Variants in SLC9A9 observed in about 807,000 individuals in gnomAD.
SLC9A9 encodes solute carrier family 9 member A9.
Under a neutral mutation model 77.8 loss-of-function variants are expected in SLC9A9, and 62 were observed. The observed-to-expected ratio is 0.80, with a 90% CI of 0.65 to 0.98. The LOEUF (loss-of-function observed/expected upper bound fraction) is 0.98. Among genes scored for constraint, SLC9A9 ranks in the 50% least tolerant of loss-of-function variants. The pLI is 0.00. For missense variants in SLC9A9, 775 were observed against 774.9 expected (o/e 1.00, Z 0.00); for synonymous variants, 320 against 283.5 (o/e 1.13, Z -1.29).
At chr3:143,498,003 G>T (rs187591975) in intron 9 of SLC9A9, among the ~76,000 whole-genome samples, 5 of 152,108 alleles carry the variant, frequency 3.3e-5, no homozygotes, top group African/African-American at 9.7e-5. Flanking sequence ...GAATCTTTGC[G>T]CTACATTTTA....
intron 12 of SLC9A9, among the ~76,000 whole-genome samples, chr3:143,446,110 G>A (rs920851620): frequency 6.6e-6 from 1 of 152,004 alleles, no homozygotes; most frequent in Admixed American, 6.6e-5. Context: ...AATTAATCTG[G>A]GTTTTTAAAT....
chr3:143,804,830 G>A (rs1047403803), intron 2 of SLC9A9, among the ~76,000 whole-genome samples: 3 of 152,042 alleles, frequency 2.0e-5, no homozygotes, highest in African/African-American at 4.8e-5. Flanking sequence ...ACGACCTTCC[G>A]TAGCCTGTCT....
At chr3:143,463,651 C>A (rs1348885323) in intron 12 of SLC9A9, among the ~76,000 whole-genome samples, 2 of 152,122 alleles carry the variant, frequency 1.3e-5, no homozygotes, top group African/African-American at 4.8e-5. Flanking sequence ...TACATGAAAA[C>A]CTCCAAAATA....
rs909150454 is a variant in SLC9A9, at chr3:143,773,575, C to A, written c.533+21426G>T. 5.3e-5 allele frequency among the ~76,000 whole-genome samples: 8 copies of A among 151,850 alleles called. No homozygotes were observed. In the East Asian group the frequency reaches 1.5e-3, roughly 29 times the overall value. ...TCTTGGCTCACTGCAACCTCTGCCC[C>A]CTGGGTTCAAGCAATTCTCCTGCCT... On this transcript the variant is annotated intron_variant, in intron 4 of 15. Coordinates refer to ENST00000316549, the MANE Select transcript of SLC9A9 (RefSeq NM_173653.4).
At chr3:143,533,172 A>G (rs1268648956) in intron 9 of SLC9A9, among the ~76,000 whole-genome samples, 1 of 152,236 alleles carries the variant, frequency 6.6e-6, no homozygotes, top group African/African-American at 2.4e-5. Flanking sequence ...AGACACTGCA[A>G]TATAGCTGTG....
At chr3:143,479,398 C>T (rs1327375117) in intron 11 of SLC9A9, among the ~76,000 whole-genome samples, 2 of 151,720 alleles carry the variant, frequency 1.3e-5, no homozygotes, top group African/African-American at 2.4e-5. Context: ...CAGGTGAGCA[C>T]CACCTCCCCT....
intron 4 of SLC9A9, among the ~76,000 whole-genome samples, chr3:143,714,055 T>G (rs1180154859): frequency 6.6e-6 from 1 of 152,230 alleles, no homozygotes; most frequent in African/African-American, 2.4e-5. Context: ...TGACAACAGA[T>G]GAAGTTATTC....
At chr3:143,819,089 A>C (rs1196230130) in intron 2 of SLC9A9, among the ~76,000 whole-genome samples, 1 of 152,190 alleles carries the variant, frequency 6.6e-6, no homozygotes, top group Non-Finnish European at 1.5e-5. Flanking sequence ...TCTCAAAAAA[A>C]AGGAGGATCA....
intron 6 of SLC9A9, among the ~76,000 whole-genome samples, chr3:143,621,661 G>C (rs1487604227): frequency 6.6e-6 from 1 of 152,106 alleles, no homozygotes; most frequent in Non-Finnish European, 1.5e-5. Context: ...CACAAAGATG[G>C]GGAAAAAACA....
intron 9 of SLC9A9, among the ~76,000 whole-genome samples, chr3:143,542,078 T>G (rs2108630685): frequency 6.6e-6 from 1 of 152,354 alleles, no homozygotes; most frequent in South Asian, 2.1e-4. Context: ...GAAATAATTC[T>G]TTCTGGGCAC....
chr3:143,402,286 CTT>C (rs1374460096), intron 12 of SLC9A9, among the ~76,000 whole-genome samples: 1 of 152,098 alleles, frequency 6.6e-6, no homozygotes, highest in Admixed American at 6.5e-5. Flanking sequence ...CATGAATAGA[CTT>C]TTATGAGAAG....
chr3:143,552,261 T>A, intron 9 of SLC9A9, 101 bp downstream of exon 9: 1 of 808,064 alleles, frequency 1.2e-6, no homozygotes, highest in Non-Finnish European at 2.0e-6. Context: ...CTTACATTCT[T>A]CCTTTACTAA....
chr3:143,301,066 C>T (rs539914736), intron 14 of SLC9A9, among the ~76,000 whole-genome samples: 2 of 152,326 alleles, frequency 1.3e-5, no homozygotes, highest in South Asian at 4.1e-4. Flanking sequence ...ACCACCTTCA[C>T]CATGACCTTG....
intron 8 of SLC9A9, among the ~76,000 whole-genome samples, chr3:143,553,786 C>G (rs2036933421): frequency 6.6e-6 from 1 of 152,122 alleles, no homozygotes; most frequent in Non-Finnish European, 1.5e-5. Context: ...ATTCAGTAGG[C>G]AATTCAACAG....
At chr3:143,705,655 G>A (rs1390733876) in intron 4 of SLC9A9, among the ~76,000 whole-genome samples, 1 of 152,110 alleles carries the variant, frequency 6.6e-6, no homozygotes, top group Non-Finnish European at 1.5e-5. Flanking sequence ...TCAGCTAAAA[G>A]GTCTTTTATG....
At chr3:143,686,285 T>C (rs1273775628) in intron 5 of SLC9A9, among the ~76,000 whole-genome samples, 10 of 151,666 alleles carry the variant, frequency 6.6e-5, no homozygotes, top group Admixed American at 6.6e-4. Flanking sequence ...AGGAAAAAAA[T>C]CCAGAAAAAT....
chr3:143,700,456 T>C (rs568819329), intron 4 of SLC9A9, among the ~76,000 whole-genome samples: 24 of 152,280 alleles, frequency 1.6e-4, no homozygotes, highest in Admixed American at 1.2e-3. Flanking sequence ...GAGTGAGTCC[T>C]AGGCCAGGTA....
At chr3:143,843,294 T>A (rs1576766297) in intron 1 of SLC9A9, among the ~76,000 whole-genome samples, 1 of 152,096 alleles carries the variant, frequency 6.6e-6, no homozygotes, top group Admixed American at 6.5e-5. Context: ...AATTTAATCC[T>A]GAGGAACCTG....
At position 143,392,747 on chromosome 3, in the gene SLC9A9, T is replaced by A. The variant is rs555367948; in HGVS notation, c.1470-10633A>T. Among the ~76,000 whole-genome samples the A allele has an allele frequency of 3.3e-5, 5 of 152,146 alleles. No homozygotes were observed. In the South Asian group the frequency reaches 1.0e-3, roughly 32 times the overall value. On this transcript the variant is annotated intron_variant, in intron 12 of 15. Transcript: ENST00000316549. ...CACGCACAGGCTCAAAATAAAGGGATGGAGGAAGATCTACCAAGCAAATGG... is the reference window on the plus strand; with the variant it reads ...CACGCACAGGCTCAAAATAAAGGGAAGGAGGAAGATCTACCAAGCAAATGG...
Sources: gnomAD v4.1 joint callset for allele counts (sites outside exome capture counted in the v4.1 genomes callset) on GRCh38, gnomAD v4.1.1 for gene constraint, MANE v1.5 for transcripts, NCBI Gene and HGNC (gene_info 2026-07-23, HGNC 2026-07-21) for gene names.